Variants in NRG2 observed in about 807,000 individuals in gnomAD.
NRG2 encodes the protein neuregulin 2, also known as pro-neuregulin-2, membrane-bound isoform.
NRG2 carries 27 observed loss-of-function variants against 73.9 expected under a neutral mutation model. The ratio of observed to expected loss-of-function variants is 0.37; its 90% CI spans 0.27 to 0.50. The LOEUF (loss-of-function observed/expected upper bound fraction) is 0.50. Among genes scored for constraint, NRG2 ranks in the 20% least tolerant of loss-of-function variants. The pLI is 0.96. For synonymous variants in NRG2, 532 were observed against 541.0 expected (o/e 0.98, Z 0.23); for missense variants, 1,126 against 1,210.1 (o/e 0.93, Z 1.03).
rs964319199 is a variant in NRG2 at position 139,994,272 on chromosome 5, C to T, written c.700+48098G>A. On this transcript the variant is annotated intron_variant, in intron 1 of 9. Transcript: ENST00000361474. ...CATAAGAAGTTTGTTCTCATTTCATCTATTTAGGGACATGAGACACATGAA... is the reference window on the plus strand; with the variant it reads ...CATAAGAAGTTTGTTCTCATTTCATTTATTTAGGGACATGAGACACATGAA... Among the ~76,000 whole-genome samples, 4 of 152,290 alleles carry T rather than the reference C, an allele frequency of 2.6e-5. No homozygotes were observed. In the South Asian group the frequency reaches 6.2e-4, roughly 24 times the overall value.
At position 139,915,422 on chromosome 5, in the gene NRG2, T is replaced by C. The variant is rs992053910; in HGVS notation, c.701-27911A>G. Among the ~76,000 whole-genome samples the C allele has an allele frequency of 3.9e-5, 6 of 152,320 alleles. No individual in the cohort carries two copies. The East Asian group carries it at 1.2e-3, about 29-fold the overall frequency. The stretch of plus-strand genomic sequence containing the variant: ...GCCTCTGTAAGGAAGTGGCGCCAGC[T>C]AAGCTGCCAAGACTTGACAGGTTGG... On this transcript the variant is annotated intron_variant, in intron 1 of 9. Coordinates refer to ENST00000361474, the MANE Select transcript of NRG2 (RefSeq NM_004883.3). The surrounding 1 kb of genome is among the most constrained non-coding windows in gnomAD (Gnocchi z 4.0).
At position 140,042,851 on chromosome 5, in the gene NRG2, G is replaced by A. The variant is rs1762048932; in HGVS notation, c.219C>T (p.Pro73=). The A allele has an allele frequency of 6.7e-7, 1 of 1,502,056 alleles. No individual in the cohort carries two copies. The highest frequency in any genetic ancestry group is 8.9e-7 in the Non-Finnish European group (1 of 1,129,138). 93.0% of individuals were successfully genotyped at this position (1,502,056 alleles called of 1,614,324 possible). ...PEPRPQQQPQ[P]RSPAARRAAA... The stretch of plus-strand genomic sequence containing the variant: ...CGGCTCTCCGGGCTGCGGGGCTGCG[G>A]GGCTGCGGCTGTTGCTGCGGCCGCG... Residue 73 remains proline, a synonymous_variant, in exon 1 of 10, where the codon CCC becomes CCT. Coordinates refer to ENST00000361474, the MANE Select transcript of NRG2 (RefSeq NM_004883.3).
chr5:139,850,458 C>T (rs1236241884), intron 9 of NRG2, among the ~76,000 whole-genome samples: 1 of 152,194 alleles, frequency 6.6e-6, no homozygotes, highest in African/African-American at 2.4e-5. Context: ...TGGTTTGTTT[C>T]TGTGGCTAGG....
chr5:140,025,980 T>C (rs1455101312), intron 1 of NRG2, among the ~76,000 whole-genome samples: 7 of 152,118 alleles, frequency 4.6e-5, no homozygotes, highest in African/African-American at 1.7e-4. Context: ...GAGGCCATGA[T>C]TCATTCCGAC....
At chr5:139,952,047 G>A (rs1368760954) in intron 1 of NRG2, among the ~76,000 whole-genome samples, 2 of 152,232 alleles carry the variant, frequency 1.3e-5, no homozygotes. Context: ...ATGGGCAAGG[G>A]ATTTAACCTT....
chr5:139,935,975 A>AC, intron 1 of NRG2, among the ~76,000 whole-genome samples: 1 of 147,460 alleles, frequency 6.8e-6, no homozygotes, highest in African/African-American at 2.5e-5. Context: ...AAAAAAAAAA[A>AC]GAAAGAAAAA....
At position 140,043,109 on chromosome 5, in the gene NRG2, G is replaced by T. The variant is rs572578481; in HGVS notation, c.-40C>A. ...TGGGGGGCTCCGCCGCTCAGCCGCC[G>T]CCGCCTTGGGAGGGGAAACAGAGCC... On this transcript the variant is annotated 5_prime_UTR_variant, in exon 1 of 10. Transcript: ENST00000361474. This position sits in a 1 kb window ranked among gnomAD's most constrained non-coding sequence, Gnocchi z 6.7. 1.9e-6 allele frequency: 3 copies of T among 1,563,440 alleles called. No homozygotes were observed. The South Asian group carries it at 3.4e-5, about 18-fold the overall frequency.
Position 139,865,709 on chromosome 5 carries a change from G to C in NRG2, c.1113-84C>G. The C allele has an allele frequency of 8.3e-7, 1 of 1,204,008 alleles. No homozygotes were observed. Among genetic ancestry groups the C allele is most frequent in the Non-Finnish European group, 1.2e-6 (1 of 842,894 alleles). 74.6% of individuals were successfully genotyped at this position (1,204,008 alleles called of 1,614,324 possible). A position where few individuals can be genotyped will look rare whatever the true frequency, so the allele number is the denominator to read the frequency against. ...GTTAGAAATCAAAGTGCACAGTGAT[G>C]AATGAGAAAAACCAAGTCAGGCACT... On this transcript the variant is annotated intron_variant, in intron 4 of 9. Transcript: ENST00000361474. The surrounding 1 kb of genome is among the most constrained non-coding windows in gnomAD (Gnocchi z 5.2).
chr5:139,901,706 A>T (rs962851618), intron 1 of NRG2, among the ~76,000 whole-genome samples: 10 of 152,208 alleles, frequency 6.6e-5, no homozygotes, highest in Non-Finnish European at 1.3e-4. Flanking sequence ...TCTGGTGAAG[A>T]CCAAAGTCTG....
At chr5:139,940,059 A>G (rs1210723812) in intron 1 of NRG2, among the ~76,000 whole-genome samples, 1 of 152,234 alleles carries the variant, frequency 6.6e-6, no homozygotes, top group Non-Finnish European at 1.5e-5. Flanking sequence ...GTAGTTTCTG[A>G]AAATATTAAA....
intron 4 of NRG2, among the ~76,000 whole-genome samples, chr5:139,867,604 G>A (rs1762542361): frequency 6.6e-6 from 1 of 152,192 alleles, no homozygotes; most frequent in Non-Finnish European, 1.5e-5. Context: ...GGACTAGAGA[G>A]GGAGAAGTGA....
intron 1 of NRG2, among the ~76,000 whole-genome samples, chr5:139,930,994 T>C (rs1474875385): frequency 1.3e-5 from 2 of 152,252 alleles, no homozygotes; most frequent in African/African-American, 2.4e-5. Context: ...ACATGAGCTT[T>C]GAGTGAGATA....
At chr5:139,864,564 C>T (rs971622538) in intron 5 of NRG2, among the ~76,000 whole-genome samples, 3 of 151,836 alleles carry the variant, frequency 2.0e-5, no homozygotes, top group African/African-American at 4.8e-5. Context: ...CACCAACCCC[C>T]GCCCCCTCTC....
chr5:140,039,945 T>A (rs1209276195), intron 1 of NRG2, among the ~76,000 whole-genome samples: 1 of 152,130 alleles, frequency 6.6e-6, no homozygotes, highest in Non-Finnish European at 1.5e-5. Flanking sequence ...AAACAGAAAA[T>A]GAATTTGTTA....
rs1407628151 is a variant in NRG2, at chr5:139,848,026, G to A, written c.2444C>T (p.Ala815Val). Reference protein sequence around the residue: ...LRSDSPPLCPAADSRTYYSLD... With the variant: ...LRSDSPPLCPVADSRTYYSLD... ...TGAGTAGTAAGTCCTGCTGTCGGCC[G>A]CCGGGCACAGTGGCGGCGAGTCCGA... is the stretch of plus-strand genomic sequence containing the variant. The change falls in exon 10 of 10, where the codon GCG becomes GTG. Residue 815 changes from alanine to valine, a missense_variant. Ala to Val is a moderately conservative substitution (Grantham distance 64). Transcript: ENST00000361474. 26 of 1,510,332 alleles carry A rather than the reference G, an allele frequency of 1.7e-5. No individual in the cohort carries two copies. Among genetic ancestry groups the A allele is most frequent in the Admixed American group, 4.2e-5 (2 of 47,658 alleles). The allele number at this position is 1,510,332 out of a possible 1,614,324, so 93.6% of individuals were successfully genotyped here.
At position 139,870,659 on chromosome 5, in the gene NRG2, A is replaced by C. The variant is rs3777105; in HGVS notation, c.1112+1062T>G. Among the ~76,000 whole-genome samples, 10,199 of 152,192 alleles carry C rather than the reference A, an allele frequency of 0.067. 929 individuals carry two copies. The highest frequency in any genetic ancestry group is 0.2 in the African/African-American group (8,475 of 41,488). ...CCATGGGAATGGGGCAGCTTTAGCA[A>C]CTTGCCAGGGCTCTAGGCTTGGGCT... On this transcript the variant is annotated intron_variant, in intron 4 of 9. Transcript: ENST00000361474. This position sits in a 1 kb window ranked among gnomAD's most constrained non-coding sequence, Gnocchi z 4.4.
In NRG2 at chr5:139,904,381, C is replaced by G. The variant is rs759135721; in HGVS notation, c.701-16870G>C. 1 of 1,575,080 alleles carries G rather than the reference C, an allele frequency of 6.3e-7. No homozygotes were observed. The highest frequency in any genetic ancestry group is 2.3e-5 in the East Asian group (1 of 43,332). ...CTTCTTGCCGCGGCCGCGGCCCCTCCTCCTGGACTCCGACATTCTGCACGG... is the reference window on the plus strand; with the variant it reads ...CTTCTTGCCGCGGCCGCGGCCCCTCGTCCTGGACTCCGACATTCTGCACGG... On this transcript the variant is annotated intron_variant, in intron 1 of 9. Coordinates refer to ENST00000361474, the MANE Select transcript of NRG2 (RefSeq NM_004883.3). This position sits in a 1 kb window ranked among gnomAD's most constrained non-coding sequence, Gnocchi z 6.0.
Position 139,915,442 on chromosome 5 carries a change from G to A in NRG2, c.701-27931C>T, listed in dbSNP as rs964406678. Reference sequence around the variant, plus strand: ...CCAGCTAAGCTGCCAAGACTTGACAGGTTGGGTGGTGGCCAGGGTCCCCCA... The same window carrying A: ...CCAGCTAAGCTGCCAAGACTTGACAAGTTGGGTGGTGGCCAGGGTCCCCCA... On this transcript the variant is annotated intron_variant, in intron 1 of 9. Coordinates refer to ENST00000361474, the MANE Select transcript of NRG2 (RefSeq NM_004883.3). This position sits in a 1 kb window ranked among gnomAD's most constrained non-coding sequence, Gnocchi z 4.0. Among the ~76,000 whole-genome samples the A allele has an allele frequency of 6.6e-5, 10 of 152,324 alleles. No homozygotes were observed. Among genetic ancestry groups the A allele is most frequent in the African/African-American group, 2.4e-4 (10 of 41,572 alleles).
At chr5:139,963,439 T>C (rs532920660) in intron 1 of NRG2, among the ~76,000 whole-genome samples, 1 of 152,008 alleles carries the variant, frequency 6.6e-6, no homozygotes, top group Non-Finnish European at 1.5e-5. Context: ...TGTGCTGGAG[T>C]CTTTTGATAA....
Sources: gnomAD v4.1 joint callset for allele counts (sites outside exome capture counted in the v4.1 genomes callset) on GRCh38, gnomAD v4.1.1 for gene constraint, Gnocchi (gnomAD v3.1) non-coding constraint, MANE v1.5 for transcripts, NCBI Gene and HGNC (gene_info 2026-07-23, HGNC 2026-07-21) for gene names.